The following CCDC78 variants were observed in gnomAD, a reference collection of about 807,000 sequenced individuals.
CCDC78 encodes the protein coiled-coil domain-containing protein 78.
Under a neutral mutation model 61.9 loss-of-function variants are expected in CCDC78, and 78 were observed. The ratio of observed to expected loss-of-function variants is 1.26; its 90% CI spans 1.05 to 1.52. The LOEUF is 1.52. Ranked by LOEUF, CCDC78 falls within the 40% of genes most tolerant of loss-of-function variation. The pLI is 0.00. For missense variants in CCDC78, 737 were observed against 615.5 expected (o/e 1.20, Z -2.09); for synonymous variants, 287 against 251.9 (o/e 1.14, Z -1.32).
Position 724,354 on chromosome 16 carries a change from G to C in CCDC78, c.921C>G (p.Ser307Arg). The change falls in exon 9 of 14, where the codon AGC (serine) becomes AGG (arginine). Residue 307 changes from serine to arginine, a missense_variant. Physicochemically the swap from Ser to Arg is moderately radical, Grantham distance 110. Transcript: ENST00000345165. ...RSYHKRLVDL[S>R]RRHEELLVAY... is the part of the protein sequence containing the mutation. ...CAACCAGTAGCTCTTCATGCCTGCG[G>C]CTCAGATCCACCAGCCTCTTGTGGT... 1 of 1,612,326 alleles carries C rather than the reference G, an allele frequency of 6.2e-7. No homozygotes were observed. Among genetic ancestry groups the C allele is most frequent in the Non-Finnish European group, 8.5e-7 (1 of 1,179,896 alleles).
Position 724,541 on chromosome 16 carries a change from C to T in CCDC78, c.766-32G>A, listed in dbSNP as rs769471057. ...GCGGCGGGCTGGGTCCGCATGGGGC[C>T]CACCCCCCATCTTTTCCAACCATCC... On this transcript the variant is annotated intron_variant, in intron 8 of 13. Transcript: ENST00000345165. 19 of 1,575,892 alleles carry T rather than the reference C, an allele frequency of 1.2e-5. No individual in the cohort carries two copies. The Admixed American group carries it at 1.4e-4, about 12-fold the overall frequency.
At chr16:723,208 T>C in intron 11 of CCDC78, 47 bp from the exon 12 acceptor site, 1 of 1,592,382 alleles carries the variant, frequency 6.3e-7, no homozygotes, top group Non-Finnish European at 8.6e-7. Context: ...GCTGGCATGG[T>C]GACACAGGGA....
Position 726,431 on chromosome 16 carries a change from T to C in CCDC78, c.-64A>G. 1 of 1,495,546 alleles carries C rather than the reference T, an allele frequency of 6.7e-7. No individual in the cohort carries two copies. The highest frequency in any genetic ancestry group is 8.8e-7 in the Non-Finnish European group (1 of 1,131,472). 92.6% of individuals were successfully genotyped at this position (1,495,546 alleles called of 1,614,324 possible). Reference sequence around the variant, plus strand: ...CCTCCACGCCCGGCTTCCCCATGGCTGCTGCTGCCACTGGCACTGCTAAGT... The same window carrying C: ...CCTCCACGCCCGGCTTCCCCATGGCCGCTGCTGCCACTGGCACTGCTAAGT... On this transcript the variant is annotated 5_prime_UTR_variant, in exon 1 of 14. Transcript: ENST00000345165.
In CCDC78 at chr16:724,497, C is replaced by T. The variant is rs755323760; in HGVS notation, c.778G>A (p.Gly260Ser). 2.5e-6 allele frequency: 4 copies of T among 1,598,578 alleles called. No individual in the cohort carries two copies. The highest frequency in any genetic ancestry group is 1.1e-5 in the South Asian group (1 of 90,994). ...CAWQAVEHADGAGQAPATTAL... is the reference protein window; with the variant it reads ...CAWQAVEHADSAGQAPATTAL... The stretch of plus-strand genomic sequence containing the variant: ...GTGGTGGCTGGCGCTTGGCCTGCAC[C>T]ATCTGCGTGCTCCTGGAGGCGGCGG... Residue 260 changes from glycine (G) to serine (S), a missense_variant, in exon 9 of 14, where the codon GGT becomes AGT. Coordinates refer to ENST00000345165, the MANE Select transcript of CCDC78 (RefSeq NM_001378030.1).
At position 722,942 on chromosome 16, in the gene CCDC78, G is replaced by A. The variant is rs142180051; in HGVS notation, c.1281C>T (p.Tyr427=). 2.0e-5 allele frequency: 32 copies of A among 1,612,130 alleles called. No homozygotes were observed. Among genetic ancestry groups the A allele is most frequent in the African/African-American group, 1.3e-4 (10 of 74,916 alleles). The part of the protein sequence containing the change: ...AEEQLSELQE[Y]VDQHLGRYKH... ...CCCACCTGCCCAGGTGCTGGTCCAC[G>A]TACTCCTGTAGCTCAGAAAGTTGCT... Residue 427 remains tyrosine, a synonymous_variant, in exon 13 of 14, where the codon TAC becomes TAT. Transcript: ENST00000345165.
Position 725,754 on chromosome 16 carries a change from C to G in CCDC78, c.267+40G>C, listed in dbSNP as rs377245846. 3 of 1,582,466 alleles carry G rather than the reference C, an allele frequency of 1.9e-6. No individual in the cohort carries two copies. In the South Asian group the frequency reaches 3.4e-5, roughly 18 times the overall value. ...GCACGTGTCCTGGGCCTGCACCCCC[C>G]GTCCCCCATGCACTGAGGCTGGTTC... On this transcript the variant is annotated intron_variant, in intron 3 of 13. Transcript: ENST00000345165.
Position 724,432 on chromosome 16 carries a change from G to C in CCDC78, c.843C>G (p.Ile281Met). Residue 281 changes from isoleucine to methionine, a missense_variant, in exon 9 of 14, where the codon ATC becomes ATG. Physicochemically the swap from Ile to Met is conservative, Grantham distance 10. Transcript: ENST00000345165. ...GCTCACGGCTGCGGTGCGCTGCCCG[G>C]ATGTCCTCCAGAGTCGCCTCCAGGA... ...RTFLEATLED[I>M]RAAHRSREQQ... 1 of 1,607,588 alleles carries C rather than the reference G, an allele frequency of 6.2e-7. No homozygotes were observed. The highest frequency in any genetic ancestry group is 8.5e-7 in the Non-Finnish European group (1 of 1,179,894).
Position 726,320 on chromosome 16 carries a change from C to G in CCDC78, c.48G>C (p.Arg16=), listed in dbSNP as rs2040939493. The G allele has an allele frequency of 5.2e-6, 8 of 1,548,358 alleles. No homozygotes were observed. The highest frequency in any genetic ancestry group is 2.7e-5 in the African/African-American group (2 of 72,932). Residue 16 remains arginine, a synonymous_variant, in exon 1 of 14, where the codon CGG becomes CGC. Coordinates refer to ENST00000345165, the MANE Select transcript of CCDC78 (RefSeq NM_001378030.1). ...TTGPRPGPPS[R]RVENVVLRAK... ...CCAGAGGACTCACATTCTCCACCCG[C>G]CGAGAGGGAGGTCCAGGCCTGGGGC...
rs1337647074 is a variant in CCDC78, at chr16:726,369, G to A, written c.-2C>T. 2 of 1,531,488 alleles carry A rather than the reference G, an allele frequency of 1.3e-6. No individual in the cohort carries two copies. Among genetic ancestry groups the A allele is most frequent in the South Asian group, 2.4e-5 (2 of 82,396 alleles). 94.9% of individuals were successfully genotyped at this position (1,531,488 alleles called of 1,614,324 possible). A position where few individuals can be genotyped will look rare whatever the true frequency, so the allele number is the denominator to read the frequency against. ...GCCTGTGGTGGCTGCGTGCTCCATA[G>A]GCTAGGGAACCCTGGCCAGCTCCGA... On this transcript the variant is annotated 5_prime_UTR_variant, in exon 1 of 14. Coordinates refer to ENST00000345165, the MANE Select transcript of CCDC78 (RefSeq NM_001378030.1).
At chr16:726,508 A>G, upstream of CCDC78, 1 of 1,013,256 alleles carries the variant, frequency 9.9e-7, no homozygotes, top group Non-Finnish European at 1.4e-6. Flanking sequence ...CACCGCCCAC[A>G]GGGGCCGGCC....
At chr16:724,654 G>A (rs1440067142) in intron 8 of CCDC78, 27 bp downstream of exon 8, 3 of 1,603,594 alleles carry the variant, frequency 1.9e-6, no homozygotes, top group East Asian at 2.2e-5. Flanking sequence ...GGCTCCCTAG[G>A]CCTCAGGGTG....
Position 724,185 on chromosome 16 carries a change from G to T in CCDC78, c.974C>A (p.Ala325Asp), listed in dbSNP as rs1241459025. 1 of 1,601,344 alleles carries T rather than the reference G, an allele frequency of 6.2e-7. No homozygotes were observed. The highest frequency in any genetic ancestry group is 8.5e-7 in the Non-Finnish European group (1 of 1,173,758). ...VAYRAPGNPQ[A>D]IFDIASLDLE... is the part of the protein sequence containing the mutation. ...GTCCAAGCTGGCTATGTCAAAAATAGCTTGGGGGTTCCCAGGTGCCCTGTC... is the reference window on the plus strand; with the variant it reads ...GTCCAAGCTGGCTATGTCAAAAATATCTTGGGGGTTCCCAGGTGCCCTGTC... The change falls in exon 10 of 14, where the codon GCT becomes GAT. Residue 325 changes from alanine to aspartate, a missense_variant. Transcript: ENST00000345165.
chr16:725,793 C>T lies in CCDC78; in HGVS notation c.267+1G>A, dbSNP rs959368886. ...TGAGGCTGGTTCACACGGCTGCTCA[C>T]CTCACTCTTCAGCTGGAAGATTTCA... On this transcript the variant is annotated splice_donor_variant, in intron 3 of 13. Transcript: ENST00000345165. LOFTEE classifies it high-confidence loss of function. The T allele has an allele frequency of 1.2e-6, 2 of 1,604,850 alleles. No homozygotes were observed. The highest frequency in any genetic ancestry group is 1.3e-5 in the African/African-American group (1 of 74,826).
chr16:723,987 C>G, intron 10 of CCDC78, 51 bp from the exon 11 acceptor site: 3 of 1,597,822 alleles, frequency 1.9e-6, no homozygotes, highest in Non-Finnish European at 2.6e-6. Flanking sequence ...AAGGCAAGCC[C>G]CTCAGAGGCC....
Position 724,523 on chromosome 16 carries a change from G to A in CCDC78, c.766-14C>T, listed in dbSNP as rs1277616910. ...ATCTGCGTGCTCCTGGAGGCGGCGG[G>A]CTGGGTCCGCATGGGGCCCACCCCC... On this transcript the variant is annotated splice_polypyrimidine_tract_variant and intron_variant, in intron 8 of 13. Coordinates refer to ENST00000345165, the MANE Select transcript of CCDC78 (RefSeq NM_001378030.1). 10 of 1,588,200 alleles carry A rather than the reference G, an allele frequency of 6.3e-6. No individual in the cohort carries two copies. The Admixed American group carries it at 6.8e-5, about 11-fold the overall frequency.
In CCDC78 at chr16:724,961, C is replaced by T; in HGVS notation, c.589G>A (p.Ala197Thr). Residue 197 changes from alanine (A) to threonine (T), a missense_variant, in exon 7 of 14, where the codon GCC becomes ACC. Ala to Thr is a moderately conservative substitution (Grantham distance 58, BLOSUM62 0). Coordinates refer to ENST00000345165, the MANE Select transcript of CCDC78 (RefSeq NM_001378030.1). Reference sequence around the variant, plus strand: ...CCGGCTGCCCTGGCCTCCTCTCGGGCTCCCTGCAGCTGCCGGCCCAGGGTT... The same window carrying T: ...CCGGCTGCCCTGGCCTCCTCTCGGGTTCCCTGCAGCTGCCGGCCCAGGGTT... The part of the protein sequence containing the change: ...VATLGRQLQG[A>T]REEARAAGQR... 1.2e-6 allele frequency: 2 copies of T among 1,611,640 alleles called. No individual in the cohort carries two copies. Among genetic ancestry groups the T allele is most frequent in the African/African-American group, 1.3e-5 (1 of 75,018 alleles).
Position 726,335 on chromosome 16 carries a change from A to G in CCDC78, c.33T>C (p.Pro11=). MEHAATTGPR[P]GPPSRRVENV... ...TCTCCACCCGCCGAGAGGGAGGTCCAGGCCTGGGGCCTGTGGTGGCTGCGT... is the reference window on the plus strand; with the variant it reads ...TCTCCACCCGCCGAGAGGGAGGTCCGGGCCTGGGGCCTGTGGTGGCTGCGT... Residue 11 remains proline (P), a synonymous_variant, in exon 1 of 14, where the codon CCT becomes CCC. Coordinates refer to ENST00000345165, the MANE Select transcript of CCDC78 (RefSeq NM_001378030.1). 1 of 1,546,232 alleles carries G rather than the reference A, an allele frequency of 6.5e-7. No individual in the cohort carries two copies. Among genetic ancestry groups the G allele is most frequent in the Non-Finnish European group, 8.7e-7 (1 of 1,146,294 alleles).
rs1312171141 is a variant in CCDC78, at chr16:726,319, G to C, written c.49C>G (p.Arg17Gly). 19 of 1,548,156 alleles carry C rather than the reference G, an allele frequency of 1.2e-5. No homozygotes were observed. Among genetic ancestry groups the C allele is most frequent in the East Asian group, 2.4e-5 (1 of 40,912 alleles). ...CCCAGAGGACTCACATTCTCCACCCGCCGAGAGGGAGGTCCAGGCCTGGGG... is the reference window on the plus strand; with the variant it reads ...CCCAGAGGACTCACATTCTCCACCCCCCGAGAGGGAGGTCCAGGCCTGGGG... ...TGPRPGPPSR[R>G]VENVVLRAKD... Residue 17 changes from arginine to glycine, a missense_variant, in exon 1 of 14, where the codon CGG (arginine) becomes GGG (glycine). Coordinates refer to ENST00000345165, the MANE Select transcript of CCDC78 (RefSeq NM_001378030.1).
chr16:724,784 T>C lies in CCDC78; in HGVS notation c.662A>G (p.Gln221Arg). 3 of 1,612,180 alleles carry C rather than the reference T, an allele frequency of 1.9e-6. No individual in the cohort carries two copies. Among genetic ancestry groups the C allele is most frequent in the Non-Finnish European group, 2.5e-6 (3 of 1,179,798 alleles). ...QAVVLCSCQG[Q>R]LRQAEAENAR... ...ATTTTCAGCCTCTGCCTGACGGAGC[T>C]GGCCTTGGCAGCTGCACAGCACCTG... The change falls in exon 8 of 14, where the codon CAG becomes CGG. Residue 221 changes from glutamine (Q) to arginine (R), a missense_variant. Transcript: ENST00000345165.
Sources: gnomAD v4.1 joint callset for allele counts on GRCh38, gnomAD v4.1.1 for gene constraint, MANE v1.5 for transcripts, NCBI Gene and HGNC (gene_info 2026-07-23, HGNC 2026-07-21) for gene names.